ATRNL1: variants seen among roughly 807,000 people sequenced by gnomAD.
ATRNL1 encodes attractin-like protein 1.
A neutral mutation model predicts 182.7 loss-of-function variants in ATRNL1; 95 were observed. The observed-to-expected ratio is 0.52, with a 90% CI of 0.44 to 0.62. ATRNL1 has a LOEUF of 0.62. ATRNL1 is among the 20% of genes least tolerant of loss of function. ATRNL1 has a pLI of 0.00. For missense variants in ATRNL1, 1,471 were observed against 1,679.5 expected (o/e 0.88, Z 2.17); for synonymous variants, 576 against 568.3 (o/e 1.01, Z -0.19).
intron 27 of ATRNL1, among the ~76,000 whole-genome samples, chr10:115,760,142 T>C (rs896664919): frequency 6.7e-6 from 1 of 148,952 alleles, no homozygotes; most frequent in African/African-American, 2.5e-5. Flanking sequence ...ATTAATACTT[T>C]CTACAAAACA....
intron 19 of ATRNL1, among the ~76,000 whole-genome samples, chr10:115,388,676 CATATT>C (rs1843803617): frequency 1.3e-5 from 2 of 151,680 alleles, no homozygotes; most frequent in South Asian, 4.2e-4. Flanking sequence ...TAATGTGTAT[CATATT>C]ATATTTGTTG....
chr10:115,749,372 C>T (rs1555070051), intron 27 of ATRNL1, among the ~76,000 whole-genome samples: 4 of 151,756 alleles, frequency 2.6e-5, no homozygotes, highest in Non-Finnish European at 1.5e-5. Context: ...CTTAGAAATA[C>T]AGTATTGACA....
chr10:115,929,855 T>C (rs1953343200), intron 28 of ATRNL1, among the ~76,000 whole-genome samples: 1 of 152,120 alleles, frequency 6.6e-6, no homozygotes, highest in Admixed American at 6.6e-5. Flanking sequence ...ATTGCTTTCC[T>C]ATATAAACAT....
At chr10:115,864,980 TA>T (rs76771298) in intron 28 of ATRNL1, among the ~76,000 whole-genome samples, 1,349 of 110,952 alleles carry the variant, frequency 0.012, 14 homozygotes, top group African/African-American at 0.032. Flanking sequence ...AGACTCCGTC[TA>T]AAAAAAAAAA....
chr10:115,443,584 C>A (rs1286352486), intron 21 of ATRNL1, among the ~76,000 whole-genome samples: 2 of 151,604 alleles, frequency 1.3e-5, no homozygotes, highest in African/African-American at 2.4e-5. Context: ...ATACTGATAT[C>A]CCCCTCCTAT....
intron 27 of ATRNL1, among the ~76,000 whole-genome samples, chr10:115,776,619 A>G (rs1949133178): frequency 7.1e-6 from 1 of 141,048 alleles, no homozygotes; most frequent in African/African-American, 3.1e-5. Context: ...AAACGAAGCT[A>G]GAGGCTCGTA....
intron 27 of ATRNL1, among the ~76,000 whole-genome samples, chr10:115,765,444 C>T (rs1948834270): frequency 6.6e-6 from 1 of 152,122 alleles, no homozygotes; most frequent in South Asian, 2.1e-4. Context: ...TGCTTCTTTG[C>T]CATGTGTGTA....
chr10:115,421,274 G>C (rs986597533), intron 20 of ATRNL1, among the ~76,000 whole-genome samples: 1 of 152,046 alleles, frequency 6.6e-6, no homozygotes, highest in Non-Finnish European at 1.5e-5. Flanking sequence ...ATCCCTGATG[G>C]ATATAGATGC....
chr10:115,391,212 G>A (rs1249428738), intron 19 of ATRNL1, among the ~76,000 whole-genome samples: 3 of 152,166 alleles, frequency 2.0e-5, no homozygotes, highest in Admixed American at 6.5e-5. Flanking sequence ...AACAGAAGTG[G>A]TAAAGGTGGA....
intron 26 of ATRNL1, among the ~76,000 whole-genome samples, chr10:115,670,638 A>G (rs1295909972): frequency 3.3e-5 from 5 of 152,122 alleles, no homozygotes; most frequent in Admixed American, 6.6e-5. Flanking sequence ...TGCCATATAC[A>G]TGTTACACTT....
chr10:115,710,582 A>G (rs1204386905), intron 26 of ATRNL1, among the ~76,000 whole-genome samples: 1 of 152,130 alleles, frequency 6.6e-6, no homozygotes, highest in Non-Finnish European at 1.5e-5. Context: ...TTTAACTTTG[A>G]GAAGACAGAG....
chr10:115,820,756 A>C (rs76633582), intron 27 of ATRNL1, among the ~76,000 whole-genome samples: 1,919 of 152,196 alleles, frequency 0.013, 21 homozygotes, highest in Non-Finnish European at 0.019. Context: ...GCTCTATCAA[A>C]GACTAACTTT....
chr10:115,520,469 T>C (rs1239845960), intron 25 of ATRNL1, among the ~76,000 whole-genome samples: 1 of 152,138 alleles, frequency 6.6e-6, no homozygotes, highest in Non-Finnish European at 1.5e-5. Flanking sequence ...ACAAAGCCAA[T>C]ATGGAAACAA....
In ATRNL1 at chr10:115,682,942, A is replaced by G. The variant is rs1426196967; in HGVS notation, c.3796-44306A>G. Reference sequence around the variant, plus strand: ...TTTGAATTCTGGTTCTGCCTTTTCTAGCTATGTAACTTTAAGCAAGTTACG... The same window carrying G: ...TTTGAATTCTGGTTCTGCCTTTTCTGGCTATGTAACTTTAAGCAAGTTACG... On this transcript the variant is annotated intron_variant, in intron 26 of 28. Coordinates refer to ENST00000355044, the MANE Select transcript of ATRNL1 (RefSeq NM_207303.4). 9.2e-5 allele frequency among the ~76,000 whole-genome samples: 14 copies of G among 152,266 alleles called. 1 individual carries two copies. The highest frequency in any genetic ancestry group is 5.8e-4 in the East Asian group (3 of 5,172).
rs565394590 is a variant in ATRNL1, at chr10:115,141,546, C to T, written c.829+12011C>T. Among the ~76,000 whole-genome samples, 16 of 152,198 alleles carry T rather than the reference C, an allele frequency of 1.1e-4. No individual in the cohort carries two copies. In the South Asian group the frequency reaches 2.7e-3, roughly 26 times the overall value. Reference sequence around the variant, plus strand: ...TGTTTGACTTAGAAAAATGTAAAAACTTTCAACTCAAACTCATGAATATTT... The same window carrying T: ...TGTTTGACTTAGAAAAATGTAAAAATTTTCAACTCAAACTCATGAATATTT... On this transcript the variant is annotated intron_variant, in intron 5 of 28. Coordinates refer to ENST00000355044, the MANE Select transcript of ATRNL1 (RefSeq NM_207303.4).
At chr10:115,223,458 A>G (rs1026799886) in intron 9 of ATRNL1, among the ~76,000 whole-genome samples, 3 of 152,298 alleles carry the variant, frequency 2.0e-5, no homozygotes, top group South Asian at 2.1e-4. Context: ...ACAGTTCTTA[A>G]TTTATATATA....
chr10:115,301,831 A>G (rs1554924573), intron 16 of ATRNL1, 24 bp from the exon 17 acceptor site: 1 of 1,554,130 alleles, frequency 6.4e-7, no homozygotes, highest in Admixed American at 1.9e-5. Flanking sequence ...AAATGAAATT[A>G]TTGTATTTGT....
At chr10:115,618,732 CCT>C (rs1160338809) in intron 26 of ATRNL1, among the ~76,000 whole-genome samples, 2 of 151,676 alleles carry the variant, frequency 1.3e-5, no homozygotes, top group Non-Finnish European at 2.9e-5. Flanking sequence ...CCAGTTTTTC[CCT>C]GATTTCTATT....
Position 115,093,885 on chromosome 10 carries a change from C to T in ATRNL1, c.135C>T (p.Cys45=). 6.3e-7 allele frequency: 1 copy of T among 1,594,106 alleles called. No homozygotes were observed. The highest frequency in any genetic ancestry group is 1.1e-5 in the South Asian group (1 of 88,338). Reference sequence around the variant, plus strand: ...TGGACGGGAACAGCTGGCTGCTGTGCTATGGCTTCCTCTACCTGGCGCTCT... The same window carrying T: ...TGGACGGGAACAGCTGGCTGCTGTGTTATGGCTTCCTCTACCTGGCGCTCT... ...WLLDGNSWLL[C]YGFLYLALYA... The change falls in exon 1 of 29, where the codon TGC becomes TGT. Residue 45 remains cysteine (C), a synonymous_variant. Coordinates refer to ENST00000355044, the MANE Select transcript of ATRNL1 (RefSeq NM_207303.4). The surrounding 1 kb of genome is among the most constrained non-coding windows in gnomAD (Gnocchi z 6.1).
Sources: allele counts gnomAD v4.1 joint callset (sites outside exome capture counted in the v4.1 genomes callset), GRCh38; gene constraint gnomAD v4.1.1; non-coding constraint Gnocchi (gnomAD v3.1); transcripts MANE v1.5; gene names NCBI Gene and HGNC (gene_info 2026-07-23, HGNC 2026-07-21).